Variants in BTBD2 observed in about 807,000 individuals in gnomAD.
The protein encoded by BTBD2 is BTB domain containing 2, also known as BTB/POZ domain-containing protein 2.
BTBD2 carries 15 observed loss-of-function variants against 44.0 expected under a neutral mutation model. The ratio of observed to expected loss-of-function variants is 0.34; its 90% CI spans 0.23 to 0.53. The LOEUF (loss-of-function observed/expected upper bound fraction) is 0.53, where lower values mean the gene tolerates loss of function less well. Ranked by LOEUF, BTBD2 falls within the 20% of genes least tolerant of loss-of-function variation. The pLI, the probability that BTBD2 is intolerant of heterozygous loss-of-function variation, is 0.95. For missense variants in BTBD2, 657 were observed against 746.4 expected (o/e 0.88, Z 1.39); for synonymous variants, 443 against 335.9 (o/e 1.32, Z -3.49).
In BTBD2 at chr19:1,986,506, C is replaced by G. The variant is rs758710580; in HGVS notation, c.1560G>C (p.Glu520Asp). The G allele has an allele frequency of 3.7e-6, 6 of 1,613,926 alleles. No homozygotes were observed. Among genetic ancestry groups the G allele is most frequent in the South Asian group, 1.1e-5 (1 of 91,078 alleles). The change falls in exon 9 of 9, where the codon GAG (glutamate) becomes GAC (aspartate). Residue 520 changes from glutamate to aspartate, a missense_variant. Physicochemically the swap from Glu to Asp is conservative, Grantham distance 45. Transcript: ENST00000255608. ...GTSVEDGQIP[E>D]VIFYT The stretch of plus-strand genomic sequence containing the variant: ...GGGCAGCCTAGGTGTAGAAGATGAC[C>G]TCGGGGATCTGGCCGTCCTCCACGG...
chr19:1,987,522 T>C lies in BTBD2; in HGVS notation c.1159A>G (p.Ser387Gly). The C allele has an allele frequency of 6.3e-7, 1 of 1,585,388 alleles. No homozygotes were observed. The highest frequency in any genetic ancestry group is 8.6e-7 in the Non-Finnish European group (1 of 1,167,376). The part of the protein sequence containing the change: ...FQQVESRWGY[S>G]GTSDRIRFSV... Reference sequence around the variant, plus strand: ...CACCTGATGCGGTCACTGGTCCCGCTGTAGCCCCAGCGACTCTCCACCTGC... The same window carrying C: ...CACCTGATGCGGTCACTGGTCCCGCCGTAGCCCCAGCGACTCTCCACCTGC... The change falls in exon 6 of 9, where the codon AGC becomes GGC. Residue 387 changes from serine (S) to glycine (G), a missense_variant. Ser to Gly is a moderately conservative substitution (Grantham distance 56). This residue lies in a region of BTBD2 where 449 missense variants were observed against 510.9 expected (regional missense o/e 0.88). Coordinates refer to ENST00000255608, the MANE Select transcript of BTBD2 (RefSeq NM_017797.4).
chr19:1,998,149 TTCAC>T (rs1476686480), intron 1 of BTBD2, among the ~76,000 whole-genome samples: 1 of 152,188 alleles, frequency 6.6e-6, no homozygotes, highest in Non-Finnish European at 1.5e-5. Flanking sequence ...AGTCTCATTA[TTCAC>T]TCATTCATTC....
At chr19:1,988,266 A>G (rs964288352) in intron 5 of BTBD2, 2 of 153,820 alleles carry the variant, frequency 1.3e-5, no homozygotes, top group African/African-American at 4.8e-5. Context: ...TGTCACAGGC[A>G]GAGGGACTGT....
chr19:1,987,743 C>T (rs754678303), intron 5 of BTBD2, 51 bp from the exon 6 acceptor site: 28 of 1,511,648 alleles, frequency 1.9e-5, no homozygotes, highest in South Asian at 2.6e-5. Context: ...CCCAGGATCC[C>T]GAGTGCCTGG....
At chr19:2,006,027 G>T (rs1481554860) in intron 1 of BTBD2, among the ~76,000 whole-genome samples, 1 of 151,586 alleles carries the variant, frequency 6.6e-6, no homozygotes, top group Non-Finnish European at 1.5e-5. Context: ...GCTGGAGGCT[G>T]CAGTGAGCTA....
intron 1 of BTBD2, 63 bp from the exon 2 acceptor site, chr19:1,997,526 C>T: frequency 6.2e-7 from 1 of 1,601,764 alleles, no homozygotes; most frequent in Non-Finnish European, 8.5e-7. Context: ...CCGGGAGGGC[C>T]AGCCCGGTAT....
At chr19:1,999,591 A>G (rs1185188190) in intron 1 of BTBD2, among the ~76,000 whole-genome samples, 3 of 150,670 alleles carry the variant, frequency 2.0e-5, no homozygotes, top group Non-Finnish European at 3.0e-5. Context: ...GCTTAAGCCC[A>G]GGAGGTCAAG....
At chr19:1,988,676 T>C (rs2016129105) in intron 5 of BTBD2, 1 of 152,142 alleles carries the variant, frequency 6.6e-6, no homozygotes, top group Non-Finnish European at 1.5e-5. Flanking sequence ...TAATCTCGGC[T>C]CACCGCAACA....
chr19:1,997,563 C>T (rs1351487805), intron 1 of BTBD2, 100 bp from the exon 2 acceptor site: 2 of 1,527,880 alleles, frequency 1.3e-6, no homozygotes, highest in South Asian at 1.2e-5. Context: ...ACTAGGGCTC[C>T]CTGCCAGCCT....
intron 2 of BTBD2, among the ~76,000 whole-genome samples, chr19:1,996,486 TG>T (rs201870801): frequency 3.1e-4 from 44 of 144,152 alleles, no homozygotes; most frequent in Admixed American, 7.0e-4. Context: ...TCCTTTTTTT[TG>T]TTGTTGTTGT....
chr19:1,998,246 A>G (rs1270429061), intron 1 of BTBD2, among the ~76,000 whole-genome samples: 2 of 152,244 alleles, frequency 1.3e-5, no homozygotes, highest in Non-Finnish European at 2.9e-5. Flanking sequence ...CTACAGGCAC[A>G]GGGCCTGGCC....
intron 3 of BTBD2, 22 bp downstream of exon 3, chr19:1,992,998 G>GCCTCGTACCGGCC: frequency 3.0e-6 from 1 of 329,162 alleles, no homozygotes. Context: ...CCCCGCCCCC[G>GCCTCGTACCGGCC]CCTCGTACCG....
rs550984235 is a variant in BTBD2 at position 1,999,721 on chromosome 19, G to A, written c.408-2258C>T. ...CACGCCTGTAATCCCACCACTTTGG[G>A]AGGCCAAGGCAGGCAAATCACCTGG... On this transcript the variant is annotated intron_variant, in intron 1 of 8. Transcript: ENST00000255608. 1.7e-3 allele frequency among the ~76,000 whole-genome samples: 255 copies of A among 152,054 alleles called. 2 individuals carry two copies. Among genetic ancestry groups the A allele is most frequent in the African/African-American group, 6.0e-3 (247 of 41,464 alleles).
At chr19:1,991,724 C>T (rs1239505586) in intron 3 of BTBD2, among the ~76,000 whole-genome samples, 1 of 152,160 alleles carries the variant, frequency 6.6e-6, no homozygotes, top group Non-Finnish European at 1.5e-5. Flanking sequence ...CCACCCCCGA[C>T]CAGGAGCTCA....
Position 1,986,545 on chromosome 19 carries a change from G to A in BTBD2, c.1521C>T (p.Asn507=). Residue 507 remains asparagine, a synonymous_variant, in exon 9 of 9, where the codon AAC becomes AAT. Coordinates refer to ENST00000255608, the MANE Select transcript of BTBD2 (RefSeq NM_017797.4). Reference sequence around the variant, plus strand: ...CGTCCTCCACGGATGTGCCATTGTTGTTCCCGGCCGCGTAGCAAAAGGTGA... The same window carrying A: ...CGTCCTCCACGGATGTGCCATTGTTATTCCCGGCCGCGTAGCAAAAGGTGA... ...TCFTFCYAAG[N]NNGTSVEDGQ... 1 of 1,614,100 alleles carries A rather than the reference G, an allele frequency of 6.2e-7. No individual in the cohort carries two copies. Among genetic ancestry groups the A allele is most frequent in the Non-Finnish European group, 8.5e-7 (1 of 1,179,980 alleles).
At chr19:2,014,540 G>A (rs942984202) in intron 1 of BTBD2, 28 of 152,982 alleles carry the variant, frequency 1.8e-4, no homozygotes, top group Non-Finnish European at 3.7e-4. Flanking sequence ...GGATCTGGGG[G>A]CAGAGGTGTC....
intron 1 of BTBD2, among the ~76,000 whole-genome samples, chr19:1,999,085 A>G (rs1045192983): frequency 9.2e-5 from 14 of 152,036 alleles, no homozygotes; most frequent in African/African-American, 3.4e-4. Flanking sequence ...GCTCCCGGGA[A>G]AGCCCCCGTC....
intron 1 of BTBD2, among the ~76,000 whole-genome samples, chr19:2,006,075 G>A (rs945212952): frequency 6.7e-6 from 1 of 149,892 alleles, no homozygotes; most frequent in Non-Finnish European, 1.5e-5. Flanking sequence ...GTGACAGAGT[G>A]AGACCCTGTC....
Position 1,986,111 on chromosome 19 carries a change from C to G in BTBD2, c.*377G>C, listed in dbSNP as rs2016075690. On this transcript the variant is annotated 3_prime_UTR_variant, in exon 9 of 9. Transcript: ENST00000255608. ...AGCAGAGAAATGGGAATCGCAAATG[C>G]ATTGCAATGTGCAGTGAAGAGACGC... 8.8e-6 allele frequency: 2 copies of G among 226,670 alleles called. No individual in the cohort carries two copies. The highest frequency in any genetic ancestry group is 4.6e-5 in the African/African-American group (2 of 43,722). The allele number at this position is 226,670 out of a possible 1,614,324, so 14.0% of individuals were successfully genotyped here.
Sources: gnomAD v4.1 joint callset for allele counts (sites outside exome capture counted in the v4.1 genomes callset) on GRCh38, gnomAD v4.1.1 for gene constraint, gnomAD v4.1.1 regional missense constraint, MANE v1.5 for transcripts, NCBI Gene and HGNC (gene_info 2026-07-23, HGNC 2026-07-21) for gene names.